The following GOT1 variants were observed in gnomAD, a reference collection of about 807,000 sequenced individuals.
GOT1 encodes the protein glutamic-oxaloacetic transaminase 1, also known as aspartate aminotransferase, cytoplasmic.
Under a neutral mutation model 48.2 loss-of-function variants are expected in GOT1, and 25 were observed. That is an observed-to-expected ratio of 0.52 (90% CI 0.38 to 0.72). The LOEUF (loss-of-function observed/expected upper bound fraction) is 0.72, where lower values mean the gene tolerates loss of function less well. GOT1 is among the 30% of genes least tolerant of loss of function. The pLI is 0.00. For synonymous variants in GOT1, 188 were observed against 193.8 expected (o/e 0.97, Z 0.25); for missense variants, 380 against 520.1 (o/e 0.73, Z 2.62).
At chr10:99,399,303 A>G (rs562329222) in intron 8 of GOT1, among the ~76,000 whole-genome samples, 6 of 152,312 alleles carry the variant, frequency 3.9e-5, no homozygotes, top group East Asian at 3.9e-4. Flanking sequence ...TCTTATCTAC[A>G]TAATATAACA....
chr10:99,403,392 G>C, intron 7 of GOT1, 77 bp downstream of exon 7: 1 of 1,159,990 alleles, frequency 8.6e-7, no homozygotes, highest in Non-Finnish European at 1.2e-6. Flanking sequence ...GAAAGGAAGA[G>C]ACCCAGTTAA....
intron 2 of GOT1, among the ~76,000 whole-genome samples, chr10:99,413,303 C>G (rs10883342): frequency 0.45 from 69,071 of 151,996 alleles, 18,670 homozygotes; most frequent in Non-Finnish European, 0.6. Flanking sequence ...GCACAAGCTT[C>G]AGTAGCCGAT....
At chr10:99,398,018 C>T (rs920833304) in intron 8 of GOT1, among the ~76,000 whole-genome samples, 35 of 152,172 alleles carry the variant, frequency 2.3e-4, no homozygotes, top group Admixed American at 1.8e-3. Context: ...AGACGGACAG[C>T]GATATGAAAT....
chr10:99,428,401 A>T (rs1453515604), intron 1 of GOT1, among the ~76,000 whole-genome samples: 1 of 151,378 alleles, frequency 6.6e-6, no homozygotes, highest in Non-Finnish European at 1.5e-5. Context: ...TCTGTTACCC[A>T]GGCTGGAGTA....
chr10:99,430,594 A>T lies in GOT1; in HGVS notation c.-29T>A. 1 of 1,540,874 alleles carries T rather than the reference A, an allele frequency of 6.5e-7. No individual in the cohort carries two copies. Among genetic ancestry groups the T allele is most frequent in the Non-Finnish European group, 8.8e-7 (1 of 1,133,432 alleles). On this transcript the variant is annotated 5_prime_UTR_variant, in exon 1 of 9. Transcript: ENST00000370508. ...GAGAGACTAGGAATCAAGAGATTTC[A>T]CCCCACGCCCGGAGCTGGCAGGTCA...
intron 1 of GOT1, among the ~76,000 whole-genome samples, chr10:99,424,755 A>G (rs2033017136): frequency 6.6e-6 from 1 of 152,036 alleles, no homozygotes; most frequent in Non-Finnish European, 1.5e-5. Flanking sequence ...AAACTGGCCA[A>G]TTTACAACTC....
chr10:99,429,932 T>G (rs2033093719), intron 1 of GOT1, among the ~76,000 whole-genome samples: 1 of 152,142 alleles, frequency 6.6e-6, no homozygotes, highest in African/African-American at 2.4e-5. Context: ...AGCAGATTTT[T>G]AAATCCTTAA....
chr10:99,415,751 A>AG (rs1379234764), intron 2 of GOT1, among the ~76,000 whole-genome samples: 1 of 152,110 alleles, frequency 6.6e-6, no homozygotes, highest in African/African-American at 2.4e-5. Context: ...ACCATGATCA[A>AG]TGGGCTTCAT....
chr10:99,404,526 C>T (rs2032728496), intron 5 of GOT1, among the ~76,000 whole-genome samples: 1 of 152,174 alleles, frequency 6.6e-6, no homozygotes, highest in Non-Finnish European at 1.5e-5. Flanking sequence ...CTCTTCAGAG[C>T]TCCCAAATCC....
chr10:99,408,466 C>T (rs2032789600), intron 2 of GOT1, among the ~76,000 whole-genome samples: 1 of 152,202 alleles, frequency 6.6e-6, no homozygotes, highest in South Asian at 2.1e-4. Context: ...CCTGTAATCC[C>T]AGCACTTTGG....
At chr10:99,426,112 G>A (rs560590249) in intron 1 of GOT1, among the ~76,000 whole-genome samples, 2 of 152,262 alleles carry the variant, frequency 1.3e-5, no homozygotes, top group Admixed American at 1.3e-4. Flanking sequence ...ATACTATTAA[G>A]TTCATGGATC....
chr10:99,430,393 G>A lies in GOT1; in HGVS notation c.118+55C>T, dbSNP rs866444380. The A allele has an allele frequency of 8.7e-6, 14 of 1,604,656 alleles. 1 individual carries two copies. The Middle Eastern group carries it at 1.3e-3, about 152-fold the overall frequency. On this transcript the variant is annotated intron_variant, in intron 1 of 8. Transcript: ENST00000370508. ...TTCTCCCACAGTCTCCACGACCTGG[G>A]TTGGGTCCGCTCCACTCCCCGAGCT... is the stretch of plus-strand genomic sequence containing the variant.
rs371032231 is a variant in GOT1 at position 99,420,626 on chromosome 10, G to A, written c.298C>T (p.Arg100Trp). 1.5e-5 allele frequency: 24 copies of A among 1,605,328 alleles called. No homozygotes were observed. Among genetic ancestry groups the A allele is most frequent in the East Asian group, 2.2e-5 (1 of 44,796 alleles). The change falls in exon 2 of 9, where the codon CGG (arginine) becomes TGG (tryptophan). Residue 100 changes from arginine (R) to tryptophan (W), a missense_variant and splice_region_variant. Arg to Trp is a moderately radical substitution (Grantham distance 101, BLOSUM62 -3). Coordinates refer to ENST00000370508, the MANE Select transcript of GOT1 (RefSeq NM_002079.3). ...ATACATCCTTACCCAAAACTTACCC[G>A]CTTCTCCTTGAGTGCTGGGCTGTCA... is the stretch of plus-strand genomic sequence containing the variant. ...GDDSPALKEK[R>W]VGGVQSLGGT... is the part of the protein sequence containing the mutation.
rs1325167539 is a variant in GOT1 at position 99,403,848 on chromosome 10, G to A, written c.669C>T (p.Asp223=). ...MKHRFLFPFF[D]SAYQGFASGN... is the part of the protein sequence containing the mutation. Reference sequence around the variant, plus strand: ...CAGATGCGAAGCCCTGATAGGCTGAGTCAAAGAAGGGGAACAGAAACCGGT... The same window carrying A: ...CAGATGCGAAGCCCTGATAGGCTGAATCAAAGAAGGGGAACAGAAACCGGT... The change falls in exon 6 of 9, where the codon GAC becomes GAT. Residue 223 remains aspartate, a synonymous_variant. Transcript: ENST00000370508. The A allele has an allele frequency of 1.2e-6, 2 of 1,613,944 alleles. No individual in the cohort carries two copies. Among genetic ancestry groups the A allele is most frequent in the Non-Finnish European group, 1.7e-6 (2 of 1,180,014 alleles).
intron 1 of GOT1, among the ~76,000 whole-genome samples, chr10:99,423,815 ATTTTT>A (rs571149699): frequency 6.8e-6 from 1 of 147,542 alleles, no homozygotes; most frequent in African/African-American, 2.5e-5. Context: ...GGACCAGCTA[ATTTTT>A]TTTTTTTAAA....
At chr10:99,398,086 C>T (rs557885325) in intron 8 of GOT1, among the ~76,000 whole-genome samples, 2 of 152,280 alleles carry the variant, frequency 1.3e-5, no homozygotes, top group South Asian at 2.1e-4. Context: ...ATTGAGTACC[C>T]GCGGCAGCCT....
chr10:99,421,716 T>C lies in GOT1; in HGVS notation c.119-911A>G, dbSNP rs541079450. On this transcript the variant is annotated intron_variant, in intron 1 of 8. Transcript: ENST00000370508. ...CACCCACGCCAATAATCTGTCCAAG[T>C]AGGATTCCTGGCAGGGGTCATTTGC... Among the ~76,000 whole-genome samples the C allele has an allele frequency of 7.2e-5, 11 of 152,294 alleles. No individual in the cohort carries two copies. The East Asian group carries it at 1.5e-3, about 21-fold the overall frequency.
At chr10:99,415,405 C>T (rs1459900686) in intron 2 of GOT1, among the ~76,000 whole-genome samples, 1 of 152,190 alleles carries the variant, frequency 6.6e-6, no homozygotes. Flanking sequence ...GAAGTTGAAT[C>T]TCTGAATAGA....
intron 7 of GOT1, among the ~76,000 whole-genome samples, chr10:99,403,041 CTAAA>C (rs1158984310): frequency 1.3e-5 from 2 of 152,152 alleles, no homozygotes; most frequent in Admixed American, 6.5e-5. Context: ...TCAGGACTTA[CTAAA>C]TAAAGATTGC....
Sources: allele counts gnomAD v4.1 joint callset (sites outside exome capture counted in the v4.1 genomes callset), GRCh38; gene constraint gnomAD v4.1.1; transcripts MANE v1.5; gene names NCBI Gene and HGNC (gene_info 2026-07-23, HGNC 2026-07-21).